Variants in IL33 observed in about 807,000 individuals in gnomAD.
IL33 encodes interleukin-33.
In IL33, 37 loss-of-function variants were observed where a neutral mutation model predicts 27.3. The observed-to-expected ratio is 1.36, with a 90% CI of 1.04 to 1.78. IL33 has a LOEUF of 1.78. Among genes scored for constraint, IL33 ranks in the 40% most tolerant of loss-of-function variants. The probability of loss-of-function intolerance (pLI) is 0.00; values close to 1 mark genes in which losing one functional copy is unlikely to be tolerated. For synonymous variants in IL33, 132 were observed against 102.9 expected, an observed-to-expected ratio of 1.28 and a Z score of -1.71; for missense variants, 406 against 311.4, an observed-to-expected ratio of 1.30 and a Z score of -2.29.
intron 1 of IL33, among the ~76,000 whole-genome samples, chr9:6,229,403 G>T (rs574438163): frequency 3.3e-4 from 50 of 152,330 alleles, no homozygotes; most frequent in African/African-American, 1.1e-3. Context: ...GAAATGTTCA[G>T]TCACACTAAA....
intron 1 of IL33, among the ~76,000 whole-genome samples, chr9:6,235,134 G>A (rs1292759888): frequency 6.6e-6 from 1 of 151,954 alleles, no homozygotes; most frequent in Non-Finnish European, 1.5e-5. Flanking sequence ...TTAAACTTCT[G>A]GGCTCAGGTG....
At chr9:6,228,955 A>C (rs1393851329) in intron 1 of IL33, among the ~76,000 whole-genome samples, 1 of 152,116 alleles carries the variant, frequency 6.6e-6, no homozygotes, top group Admixed American at 6.6e-5. Flanking sequence ...TTTTCACTGT[A>C]ATTTTGTCCT....
intron 1 of IL33, among the ~76,000 whole-genome samples, chr9:6,218,520 T>G (rs1288480759): frequency 6.6e-6 from 1 of 151,574 alleles, no homozygotes; most frequent in East Asian, 1.9e-4. Context: ...TTGTGAAAAG[T>G]TAAGCTCCAT....
At chr9:6,246,596 C>T (rs1056187563) in intron 2 of IL33, among the ~76,000 whole-genome samples, 1 of 152,000 alleles carries the variant, frequency 6.6e-6, no homozygotes, top group Non-Finnish European at 1.5e-5. Flanking sequence ...GAGGTGGGAC[C>T]TTTAAGGGGT....
At chr9:6,232,298 G>A (rs1470031345) in intron 1 of IL33, among the ~76,000 whole-genome samples, 1 of 152,176 alleles carries the variant, frequency 6.6e-6, no homozygotes, top group Non-Finnish European at 1.5e-5. Context: ...TTCAGCCAAA[G>A]AGAAAACTAC....
At chr9:6,233,532 T>C (rs1819032513) in intron 1 of IL33, among the ~76,000 whole-genome samples, 1 of 152,174 alleles carries the variant, frequency 6.6e-6, no homozygotes, top group Admixed American at 6.5e-5. Context: ...CAAGAGTCTA[T>C]CACATCCCAA....
At chr9:6,223,478 T>C (rs1321565257) in intron 1 of IL33, among the ~76,000 whole-genome samples, 1 of 152,010 alleles carries the variant, frequency 6.6e-6, no homozygotes, top group African/African-American at 2.4e-5. Context: ...TGATATATCA[T>C]GTTTTTCTAT....
At chr9:6,221,588 AG>A (rs1818414992) in intron 1 of IL33, among the ~76,000 whole-genome samples, 1 of 152,212 alleles carries the variant, frequency 6.6e-6, no homozygotes, top group South Asian at 2.1e-4. Context: ...TATAAAACTT[AG>A]AAGTCTATTA....
chr9:6,236,800 G>A (rs1398939755), intron 1 of IL33, among the ~76,000 whole-genome samples: 1 of 152,228 alleles, frequency 6.6e-6, no homozygotes, highest in Non-Finnish European at 1.5e-5. Flanking sequence ...TAATCTGGGA[G>A]GTGGAGGCTG....
chr9:6,250,805 G>A (rs542968435), intron 3 of IL33, among the ~76,000 whole-genome samples: 62 of 152,302 alleles, frequency 4.1e-4, no homozygotes, highest in African/African-American at 1.5e-3. Context: ...ATAATGTTAA[G>A]TGAAAACAAA....
At chr9:6,233,156 C>T (rs1819007619) in intron 1 of IL33, among the ~76,000 whole-genome samples, 1 of 152,138 alleles carries the variant, frequency 6.6e-6, no homozygotes, top group African/African-American at 2.4e-5. Flanking sequence ...AACAATAACA[C>T]CACATTCCAA....
At chr9:6,236,150 G>A (rs981372333) in intron 1 of IL33, among the ~76,000 whole-genome samples, 2 of 151,892 alleles carry the variant, frequency 1.3e-5, no homozygotes, top group Non-Finnish European at 2.9e-5. Context: ...GACTCGTTAA[G>A]ATATATTTCT....
intron 1 of IL33, among the ~76,000 whole-genome samples, chr9:6,236,601 CTCACGCCTGTAA>C (rs1269558255): frequency 2.0e-5 from 3 of 152,222 alleles, no homozygotes; most frequent in African/African-American, 7.2e-5. Flanking sequence ...GGTGCAGTGG[CTCACGCCTGTAA>C]TCCCAGCACT....
Position 6,220,616 on chromosome 9 carries a change from T to C in IL33, c.-12+4764T>C, listed in dbSNP as rs146319305. Among the ~76,000 whole-genome samples, 810 of 152,256 alleles carry C rather than the reference T, an allele frequency of 5.3e-3. 3 individuals carry two copies. The highest frequency in any genetic ancestry group is 0.018 in the African/African-American group (759 of 41,546). On this transcript the variant is annotated intron_variant, in intron 1 of 7. Coordinates refer to ENST00000682010, the MANE Select transcript of IL33 (RefSeq NM_033439.4). ...AAATCTGAATTTATTAGTTCCAAAG[T>C]TTTTCCTCCCTAAATTTTATTTTTC...
At chr9:6,235,713 T>A (rs943401043) in intron 1 of IL33, among the ~76,000 whole-genome samples, 1 of 152,114 alleles carries the variant, frequency 6.6e-6, no homozygotes, top group Admixed American at 6.6e-5. Flanking sequence ...AGATGCTCAA[T>A]CTCATGAAAT....
chr9:6,254,373 C>A, intron 6 of IL33, 89 bp from the exon 7 acceptor site: 1 of 759,512 alleles, frequency 1.3e-6, no homozygotes, highest in Non-Finnish European at 2.0e-6. Context: ...TATGTAACAT[C>A]TTAGACTTTT....
chr9:6,239,041 TGAGA>T (rs1819385766), intron 1 of IL33, among the ~76,000 whole-genome samples: 2 of 152,122 alleles, frequency 1.3e-5, no homozygotes, highest in Admixed American at 6.5e-5. Context: ...TGTCTGATTC[TGAGA>T]GAGAAAGAAC....
At position 6,241,606 on chromosome 9, in the gene IL33, G is replaced by T. The variant is rs953203985; in HGVS notation, c.-11-78G>T. 6.7e-6 allele frequency: 5 copies of T among 743,590 alleles called. No homozygotes were observed. In the African/African-American group the frequency reaches 7.2e-5, roughly 11 times the overall value. The allele number at this position is 743,590 out of a possible 1,614,324, so 46.1% of individuals were successfully genotyped here. A position where few individuals can be genotyped will look rare whatever the true frequency, so the allele number is the denominator to read the frequency against. On this transcript the variant is annotated intron_variant, in intron 1 of 7. Coordinates refer to ENST00000682010, the MANE Select transcript of IL33 (RefSeq NM_033439.4). ...TCTATATGGTTATGTTACCAATTTG[G>T]TAGTGAGCTAGCCACAGTTGTTTCC...
chr9:6,253,795 A>G (rs1418911029), intron 6 of IL33, among the ~76,000 whole-genome samples, 193 bp downstream of exon 6: 2 of 152,212 alleles, frequency 1.3e-5, no homozygotes, highest in East Asian at 3.8e-4. Flanking sequence ...TCGTTAGGAT[A>G]AAGTTTTGGC....
Sources: allele counts gnomAD v4.1 joint callset (sites outside exome capture counted in the v4.1 genomes callset), GRCh38; gene constraint gnomAD v4.1.1; transcripts MANE v1.5; gene names NCBI Gene and HGNC (gene_info 2026-07-23, HGNC 2026-07-21).